CELF2: variants seen among roughly 807,000 people sequenced by gnomAD.
The protein encoded by CELF2 is CUG triplet repeat RNA-binding protein 2.
Under a neutral mutation model 62.6 loss-of-function variants are expected in CELF2, and 8 were observed. The observed-to-expected ratio is 0.13, with a 90% CI of 0.07 to 0.23. CELF2 has a LOEUF of 0.23. Among genes scored for constraint, CELF2 ranks in the 10% least tolerant of loss-of-function variants. The probability of loss-of-function intolerance (pLI) is 1.00; values close to 1 mark genes in which losing one functional copy is unlikely to be tolerated. For synonymous variants in CELF2, 258 were observed against 250.0 expected (o/e 1.03, Z -0.30); for missense variants, 333 against 671.0 (o/e 0.50, Z 5.56).
chr10:10,651,770 A>G, the CELF2 span, among the ~76,000 whole-genome samples: 39,314 of 150,374 alleles, frequency 0.26, 5,819 homozygotes, highest in Non-Finnish European at 0.33. Flanking sequence ...AAAGATGGGG[A>G]AAAAAAAAGC....
At chr10:10,813,504 C>T in intron 1 of CELF2, among the ~76,000 whole-genome samples, 1 of 152,180 alleles carries the variant, frequency 6.6e-6, no homozygotes, top group East Asian at 1.9e-4. Context: ...AGATGTGGCC[C>T]TCACTGAAGT....
rs117842016 is a variant in CELF2, at chr10:11,037,157, C to T, written c.74+18994C>T. Among the ~76,000 whole-genome samples the T allele has an allele frequency of 2.9e-3, 448 of 152,290 alleles. 7 individuals carry two copies. Among genetic ancestry groups the T allele is most frequent in the East Asian group, 0.025 (129 of 5,180 alleles). On this transcript the variant is annotated intron_variant, in intron 1 of 12. Transcript: ENST00000633077. ...CACAGTTCCACATGGCTGGGGAGAC[C>T]TCACAGTCATGGAAGAAGACGAAGG...
chr10:10,955,818 A>C lies in CELF2; in HGVS notation c.89+35819A>C, dbSNP rs1388945767. Among the ~76,000 whole-genome samples, 7 of 152,196 alleles carry C rather than the reference A, an allele frequency of 4.6e-5. No individual in the cohort carries two copies. The South Asian group carries it at 1.4e-3, about 32-fold the overall frequency. ...ACTGTTGTAGGAAGATTCTGTGTTC[A>C]TGCAGGTTGAGGTCAAAGGCATCAC... is the stretch of plus-strand genomic sequence containing the variant. On this transcript the variant is annotated intron_variant, in intron 2 of 13. Coordinates refer to the CELF2 transcript ENST00000636488.
intron 1 of CELF2, among the ~76,000 whole-genome samples, chr10:10,896,288 A>T (rs1458746764): frequency 6.6e-6 from 1 of 152,162 alleles, no homozygotes; most frequent in Non-Finnish European, 1.5e-5. Flanking sequence ...AATGGAGGTT[A>T]TAAGCCATTA....
chr10:10,673,222 T>C, the CELF2 span, among the ~76,000 whole-genome samples: 1 of 152,248 alleles, frequency 6.6e-6, no homozygotes, highest in African/African-American at 2.4e-5. Flanking sequence ...TAGACTACCA[T>C]GTAATGTCCA....
intron 1 of CELF2, among the ~76,000 whole-genome samples, chr10:10,862,303 T>C (rs1362950613): frequency 6.6e-6 from 1 of 152,162 alleles, no homozygotes; most frequent in African/African-American, 2.4e-5. Context: ...TTAGGGTCTC[T>C]CATGTAGCTG....
Position 11,227,393 on chromosome 10 carries a change from T to C in CELF2, c.354+9886T>C, listed in dbSNP as rs978146275. On this transcript the variant is annotated intron_variant, in intron 3 of 12. Coordinates refer to ENST00000633077, the MANE Select transcript of CELF2 (RefSeq NM_001326342.2). This position sits in a 1 kb window ranked among gnomAD's most constrained non-coding sequence, Gnocchi z 4.8. ...CCACGCCACAGATGGCACAGCAGGA[T>C]GAACACGGCCCCATGAGACAGCGCT... Among the ~76,000 whole-genome samples, 4 of 152,210 alleles carry C rather than the reference T, an allele frequency of 2.6e-5. No homozygotes were observed. The highest frequency in any genetic ancestry group is 9.7e-5 in the African/African-American group (4 of 41,450).
At chr10:10,798,661 C>A (rs2054318316) in exon 1 of CELF2, 4 of 398,402 alleles carry the variant, frequency 1.0e-5, no homozygotes, top group East Asian at 3.6e-5. Flanking sequence ...GAGGGAGCCG[C>A]GGGGCGCCAG....
intron 1 of CELF2, among the ~76,000 whole-genome samples, chr10:10,850,048 T>C (rs1445870917): frequency 6.6e-6 from 1 of 151,962 alleles, no homozygotes; most frequent in Non-Finnish European, 1.5e-5. Context: ...CTTGGGAGGC[T>C]GAGGCAAGGA....
At chr10:10,930,639 G>A (rs2065962906) in intron 2 of CELF2, among the ~76,000 whole-genome samples, 3 of 152,126 alleles carry the variant, frequency 2.0e-5, no homozygotes, top group African/African-American at 2.4e-5. Context: ...AGTTTATAGA[G>A]CAAAGGGGTA....
the CELF2 span, among the ~76,000 whole-genome samples, chr10:10,720,484 C>T: frequency 1.3e-5 from 2 of 152,200 alleles, no homozygotes; most frequent in Non-Finnish European, 2.9e-5. Flanking sequence ...GACCCCTTCC[C>T]TAACTCATTT....
chr10:11,101,512 A>G (rs2051628672), intron 1 of CELF2, among the ~76,000 whole-genome samples: 1 of 152,216 alleles, frequency 6.6e-6, no homozygotes, highest in African/African-American at 2.4e-5. Flanking sequence ...AAAGAACCCA[A>G]GACATGAGAG....
chr10:11,104,837 G>A (rs990739959), intron 1 of CELF2, among the ~76,000 whole-genome samples: 2 of 152,224 alleles, frequency 1.3e-5, no homozygotes, highest in Admixed American at 6.5e-5. Flanking sequence ...GACATGTTCA[G>A]AGCCTCAGTA....
chr10:10,684,519 G>A, the CELF2 span, among the ~76,000 whole-genome samples: 2 of 152,180 alleles, frequency 1.3e-5, no homozygotes, highest in African/African-American at 4.8e-5. Flanking sequence ...AAGGCGGGTG[G>A]ATAGCTTAAG....
intron 1 of CELF2, among the ~76,000 whole-genome samples, chr10:10,852,742 G>A (rs941751231): frequency 6.6e-6 from 1 of 152,328 alleles, no homozygotes; most frequent in Middle Eastern, 3.4e-3. Context: ...ATCTGTCTGT[G>A]TTATCTCCTT....
intron 1 of CELF2, among the ~76,000 whole-genome samples, chr10:10,867,354 C>T (rs2060454838): frequency 6.6e-6 from 1 of 152,190 alleles, no homozygotes; most frequent in African/African-American, 2.4e-5. Flanking sequence ...TCACAAGTTA[C>T]TGACAAGTGG....
chr10:10,642,426 G>C, the CELF2 span, among the ~76,000 whole-genome samples: 1 of 152,238 alleles, frequency 6.6e-6, no homozygotes, highest in Non-Finnish European at 1.5e-5. Context: ...GCATTAAACA[G>C]TGATGTCACA....
chr10:11,184,769 C>CAA (rs1565154676), intron 2 of CELF2, among the ~76,000 whole-genome samples: 1 of 152,200 alleles, frequency 6.6e-6, no homozygotes, highest in Non-Finnish European at 1.5e-5. Context: ...TTGCTAAACT[C>CAA]ATTCTAGTAG....
chr10:10,575,264 G>T, the CELF2 span, among the ~76,000 whole-genome samples: 19 of 152,118 alleles, frequency 1.2e-4, no homozygotes, highest in African/African-American at 4.6e-4. Flanking sequence ...TTCTTGAAGG[G>T]TGTTAGATGT....
Sources: gnomAD v4.1 joint callset for allele counts (sites outside exome capture counted in the v4.1 genomes callset) on GRCh38, gnomAD v4.1.1 for gene constraint, Gnocchi (gnomAD v3.1) non-coding constraint, MANE v1.5 for transcripts, NCBI Gene and HGNC (gene_info 2026-07-23, HGNC 2026-07-21) for gene names.